MBNL1: variants seen among roughly 807,000 people sequenced by gnomAD.
The protein encoded by MBNL1 is muscleblind like splicing regulator 1.
Under a neutral mutation model 42.2 loss-of-function variants are expected in MBNL1, and 8 were observed. That is an observed-to-expected ratio of 0.19 (90% CI 0.11 to 0.34). MBNL1 has a LOEUF of 0.34. MBNL1 is among the 10% of genes least tolerant of loss of function. MBNL1 has a pLI of 1.00. For synonymous variants in MBNL1, 169 were observed against 173.9 expected (o/e 0.97, Z 0.22); for missense variants, 309 against 495.3 (o/e 0.62, Z 3.57).
intron 2 of MBNL1, among the ~76,000 whole-genome samples, chr3:152,408,347 AT>A (rs1194565857): frequency 6.6e-6 from 1 of 152,180 alleles, no homozygotes; most frequent in Non-Finnish European, 1.5e-5. Flanking sequence ...AAAGAAAAAA[AT>A]GAATGTAATG....
At chr3:152,433,638 T>C (rs2099037136) in intron 4 of MBNL1, among the ~76,000 whole-genome samples, 1 of 151,004 alleles carries the variant, frequency 6.6e-6, no homozygotes, top group Non-Finnish European at 1.5e-5. Flanking sequence ...TAGTCCCAGC[T>C]ACTCGGGAGG....
chr3:152,425,653 A>T (rs2098918264), intron 3 of MBNL1, among the ~76,000 whole-genome samples: 1 of 152,050 alleles, frequency 6.6e-6, no homozygotes, highest in African/African-American at 2.4e-5. Context: ...CCACAATGAG[A>T]TAGCATCTCA....
chr3:152,392,984 A>G (rs2097781946), intron 2 of MBNL1, among the ~76,000 whole-genome samples: 1 of 152,160 alleles, frequency 6.6e-6, no homozygotes, highest in Admixed American at 6.5e-5. Context: ...GTTGCGTTGG[A>G]TCCTAAGTTT....
chr3:152,447,054 A>G (rs148116571), intron 5 of MBNL1, among the ~76,000 whole-genome samples: 1 of 152,150 alleles, frequency 6.6e-6, no homozygotes, highest in Non-Finnish European at 1.5e-5. Flanking sequence ...TTTTGACTGT[A>G]TATTTATGTA....
At chr3:152,330,555 A>G (rs905162786) in intron 2 of MBNL1, among the ~76,000 whole-genome samples, 7 of 152,208 alleles carry the variant, frequency 4.6e-5, no homozygotes, top group Non-Finnish European at 8.8e-5. Flanking sequence ...ATTATTTGCT[A>G]TAACGACATG....
At chr3:152,370,223 A>G (rs1293316245) in intron 2 of MBNL1, among the ~76,000 whole-genome samples, 1 of 152,168 alleles carries the variant, frequency 6.6e-6, no homozygotes, top group Non-Finnish European at 1.5e-5. Context: ...ATTGGTTTCA[A>G]AGAACTTATT....
intron 2 of MBNL1, among the ~76,000 whole-genome samples, chr3:152,336,048 T>A (rs1326356155): frequency 6.6e-6 from 1 of 152,198 alleles, no homozygotes; most frequent in East Asian, 1.9e-4. Flanking sequence ...GCTGGAAATA[T>A]AACTGTGAGC....
rs558142755 is a variant in MBNL1, at chr3:152,396,317, A to T, written c.175-18624A>T. The T allele has an allele frequency of 7.5e-5, 13 of 172,938 alleles. No homozygotes were observed. The South Asian group carries it at 1.4e-3, about 19-fold the overall frequency. The allele number at this position is 172,938 out of a possible 1,614,324, so 10.7% of individuals were successfully genotyped here. A position where few individuals can be genotyped will look rare whatever the true frequency, so the allele number is the denominator to read the frequency against. On this transcript the variant is annotated intron_variant, in intron 2 of 9. Transcript: ENST00000324210. Reference sequence around the variant, plus strand: ...TGTAATGTACTTGAATCATCCCCAAACCATCCGCCACTCCACCACCACCAG... The same window carrying T: ...TGTAATGTACTTGAATCATCCCCAATCCATCCGCCACTCCACCACCACCAG...
intron 2 of MBNL1, among the ~76,000 whole-genome samples, chr3:152,356,885 A>G (rs2095562564): frequency 1.3e-5 from 1 of 79,228 alleles, no homozygotes; most frequent in African/African-American, 5.0e-5. Flanking sequence ...GTGTGTTCTT[A>G]CTGTAACCCA....
At chr3:152,338,694 G>A (rs1375255537) in intron 2 of MBNL1, 1 of 985,200 alleles carries the variant, frequency 1.0e-6, no homozygotes. Flanking sequence ...GATTTCTCTA[G>A]GAAGCCGTTC....
intron 3 of MBNL1, 108 bp downstream of exon 3, chr3:152,415,219 A>G (rs2098677148): frequency 9.4e-7 from 1 of 1,062,956 alleles, no homozygotes. Flanking sequence ...CAACAATTTC[A>G]GTTGCCTTAC....
intron 1 of MBNL1, among the ~76,000 whole-genome samples, chr3:152,294,278 CTT>C (rs201018898): frequency 1.7e-5 from 2 of 121,092 alleles, no homozygotes. Flanking sequence ...AAGTTTGATT[CTT>C]TTTTTTTTTT....
chr3:152,347,296 C>T (rs967075360), intron 2 of MBNL1, among the ~76,000 whole-genome samples: 30 of 151,632 alleles, frequency 2.0e-4, no homozygotes, highest in Non-Finnish European at 2.8e-4. Flanking sequence ...AAAATATTTT[C>T]CATGAGTTGA....
intron 2 of MBNL1, among the ~76,000 whole-genome samples, chr3:152,395,469 TA>T (rs2153506261): frequency 6.6e-6 from 1 of 152,364 alleles, no homozygotes; most frequent in South Asian, 2.1e-4. Flanking sequence ...ATTTGTGTGC[TA>T]GCTTATCTTG....
intron 1 of MBNL1, among the ~76,000 whole-genome samples, chr3:152,277,121 G>A (rs1184375750): frequency 1.3e-5 from 2 of 152,032 alleles, no homozygotes; most frequent in East Asian, 1.9e-4. Flanking sequence ...ATTTAAAATT[G>A]TATTTTATCA....
At chr3:152,368,230 G>A (rs1353077963) in intron 2 of MBNL1, among the ~76,000 whole-genome samples, 1 of 152,036 alleles carries the variant, frequency 6.6e-6, no homozygotes, top group Non-Finnish European at 1.5e-5. Flanking sequence ...TCTGCATATG[G>A]CTAGCCAGTT....
At chr3:152,325,897 C>A (rs1253747954) in intron 2 of MBNL1, among the ~76,000 whole-genome samples, 1 of 151,772 alleles carries the variant, frequency 6.6e-6, no homozygotes, top group Non-Finnish European at 1.5e-5. Flanking sequence ...ATATAACAAC[C>A]CCCTCCATAT....
At chr3:152,417,412 A>C (rs2098720187) in intron 3 of MBNL1, among the ~76,000 whole-genome samples, 1 of 152,194 alleles carries the variant, frequency 6.6e-6, no homozygotes. Context: ...ATTAACTTGG[A>C]TCCAACCCAG....
At chr3:152,306,550 G>A (rs1490104683) in intron 2 of MBNL1, among the ~76,000 whole-genome samples, 1 of 152,164 alleles carries the variant, frequency 6.6e-6, no homozygotes, top group South Asian at 2.1e-4. Flanking sequence ...TAATTTTTCA[G>A]TCTCTTATTG....
Sources: gnomAD v4.1 joint callset for allele counts (sites outside exome capture counted in the v4.1 genomes callset) on GRCh38, gnomAD v4.1.1 for gene constraint, MANE v1.5 for transcripts, NCBI Gene and HGNC (gene_info 2026-07-23, HGNC 2026-07-21) for gene names.